The following NIPAL4 variants were observed in gnomAD, a reference collection of about 807,000 sequenced individuals.
NIPAL4 encodes magnesium transporter NIPA4.
In NIPAL4, 21 loss-of-function variants were observed where a neutral mutation model predicts 31.6. That is an observed-to-expected ratio of 0.67 (90% CI 0.47 to 0.96). NIPAL4 has a LOEUF of 0.96. NIPAL4 is among the 40% of genes least tolerant of loss of function. NIPAL4 has a pLI of 0.00. For missense variants in NIPAL4, 438 were observed against 508.0 expected (o/e 0.86, Z 1.32); for synonymous variants, 175 against 211.1 (o/e 0.83, Z 1.48).
chr5:157,471,841 C>A (rs1253906063), intron 5 of NIPAL4, 24 bp downstream of exon 5: 1 of 1,555,884 alleles, frequency 6.4e-7, no homozygotes, highest in Non-Finnish European at 8.7e-7. Context: ...CCCTGAAGAG[C>A]AGGAAAATAC....
intron 1 of NIPAL4, among the ~76,000 whole-genome samples, chr5:157,462,431 T>C (rs1039599687): frequency 2.0e-5 from 3 of 152,170 alleles, no homozygotes; most frequent in Non-Finnish European, 2.9e-5. Flanking sequence ...GGCAGGAGGA[T>C]AGCTTGAGGC....
At position 157,460,737 on chromosome 5, in the gene NIPAL4, G is replaced by A. The variant is rs573507514; in HGVS notation, c.37+380G>A. Among the ~76,000 whole-genome samples, 12 of 152,122 alleles carry A rather than the reference G, an allele frequency of 7.9e-5. No homozygotes were observed. The South Asian group carries it at 1.9e-3, about 24-fold the overall frequency. On this transcript the variant is annotated intron_variant, in intron 1 of 5. Coordinates refer to ENST00000311946, the MANE Select transcript of NIPAL4 (RefSeq NM_001099287.2). ...CTGCGCAGTTTGGGCTTTCTCTCTG[G>A]GTCAATGGGAGGACCATCACAGGAC...
rs149290344 is a variant in NIPAL4, at chr5:157,473,701, A to G, written c.*741A>G. On this transcript the variant is annotated 3_prime_UTR_variant, in exon 6 of 6. Coordinates refer to ENST00000311946, the MANE Select transcript of NIPAL4 (RefSeq NM_001099287.2). ...ACATCCTAAGGAGTCGGTCACTGAGACATAAAGGCAGTAATCGCAGAACTG... is the reference window on the plus strand; with the variant it reads ...ACATCCTAAGGAGTCGGTCACTGAGGCATAAAGGCAGTAATCGCAGAACTG... The G allele has an allele frequency of 2.0e-5, 3 of 152,346 alleles. No individual in the cohort carries two copies. The highest frequency in any genetic ancestry group is 7.2e-5 in the African/African-American group (3 of 41,554). The allele number at this position is 152,346 out of a possible 1,614,324, so 9.4% of individuals were successfully genotyped here.
chr5:157,473,045 CA>C lies in NIPAL4; in HGVS notation c.*87del. 8.8e-7 allele frequency: 1 copy of C among 1,136,194 alleles called. No individual in the cohort carries two copies. Among genetic ancestry groups the C allele is most frequent in the Non-Finnish European group, 1.2e-6 (1 of 821,210 alleles). 70.4% of individuals were successfully genotyped at this position (1,136,194 alleles called of 1,614,324 possible). A position where few individuals can be genotyped will look rare whatever the true frequency, so the allele number is the denominator to read the frequency against. On this transcript the variant is annotated 3_prime_UTR_variant, in exon 6 of 6. Coordinates refer to ENST00000311946, the MANE Select transcript of NIPAL4 (RefSeq NM_001099287.2). Reference sequence around the variant, plus strand: ...AAAACCACCTGGTTATTTTCCAGTGCAACTGTTACCAATGGGCTCTCTTTTC... The same window carrying C: ...AAAACCACCTGGTTATTTTCCAGTGCACTGTTACCAATGGGCTCTCTTTTC...
intron 3 of NIPAL4, 193 bp downstream of exon 3, chr5:157,467,298 C>T (rs748163647): frequency 7.3e-5 from 42 of 578,248 alleles, no homozygotes; most frequent in African/African-American, 1.9e-4. Flanking sequence ...ATCCATGAAG[C>T]GTCTACTCCC....
Position 157,472,601 on chromosome 5 carries a change from C to G in NIPAL4, c.856C>G (p.Leu286Val). 6.2e-7 allele frequency: 1 copy of G among 1,613,962 alleles called. No individual in the cohort carries two copies. Among genetic ancestry groups the G allele is most frequent in the Non-Finnish European group, 8.5e-7 (1 of 1,179,880 alleles). The part of the protein sequence containing the change: ...STQVNFLNRA[L>V]DIFNTSLVFP... ...TCAGGTCAACTTCCTCAACAGAGCACTGGACATTTTCAACACTTCCCTGGT... is the reference window on the plus strand; with the variant it reads ...TCAGGTCAACTTCCTCAACAGAGCAGTGGACATTTTCAACACTTCCCTGGT... Residue 286 changes from leucine (L) to valine (V), a missense_variant, in exon 6 of 6, where the codon CTG becomes GTG. Leu to Val is a conservative substitution (Grantham distance 32, BLOSUM62 1). Coordinates refer to ENST00000311946, the MANE Select transcript of NIPAL4 (RefSeq NM_001099287.2).
chr5:157,472,211 C>T (rs914220833), intron 5 of NIPAL4, 121 bp from the exon 6 acceptor site: 28 of 930,522 alleles, frequency 3.0e-5, no homozygotes, highest in Middle Eastern at 3.4e-4. Flanking sequence ...GACTGGAACC[C>T]GGGTTTGTCT....
intron 2 of NIPAL4, among the ~76,000 whole-genome samples, chr5:157,466,416 A>G (rs1311041843): frequency 6.6e-6 from 1 of 152,172 alleles, no homozygotes; most frequent in Non-Finnish European, 1.5e-5. Flanking sequence ...TAAGTTGCGG[A>G]GTGACATAAT....
intron 3 of NIPAL4, chr5:157,467,947 C>G (rs1367368239): frequency 6.6e-6 from 1 of 152,142 alleles, no homozygotes; most frequent in African/African-American, 2.4e-5. Flanking sequence ...TCTTGTTGCC[C>G]AGGCTGGAGT....
At position 157,471,651 on chromosome 5, in the gene NIPAL4, G is replaced by T. The variant is rs535535655; in HGVS notation, c.426-6G>T. The T allele has an allele frequency of 6.3e-7, 1 of 1,599,192 alleles. No homozygotes were observed. Among genetic ancestry groups the T allele is most frequent in the Middle Eastern group, 1.9e-4 (1 of 5,280 alleles). On this transcript the variant is annotated splice_polypyrimidine_tract_variant and splice_region_variant and intron_variant, in intron 4 of 5. Transcript: ENST00000311946. ...TCTAATCCCCTTCTCCCATTTCCAC[G>T]TGCAGTGCCATCCTCTCCTCATATT...
chr5:157,463,847 G>A (rs112023831), intron 2 of NIPAL4, among the ~76,000 whole-genome samples: 1,785 of 152,220 alleles, frequency 0.012, 39 homozygotes, highest in African/African-American at 0.041. Context: ...ATGTTTTTCC[G>A]TGAAACAGTG....
At chr5:157,468,574 C>T (rs1470571032) in intron 3 of NIPAL4, 148 bp from the exon 4 acceptor site, 2 of 616,090 alleles carry the variant, frequency 3.2e-6, no homozygotes, top group African/African-American at 1.8e-5. Context: ...GACCTTCGAT[C>T]AGACTCTCCA....
At chr5:157,471,584 C>T in intron 4 of NIPAL4, 73 bp from the exon 5 acceptor site, 1 of 1,213,520 alleles carries the variant, frequency 8.2e-7, no homozygotes, top group Non-Finnish European at 1.2e-6. Context: ...AGTGCTTGCT[C>T]AGGCCCCATT....
chr5:157,466,681 A>C (rs1371689320), intron 2 of NIPAL4, among the ~76,000 whole-genome samples: 2 of 152,174 alleles, frequency 1.3e-5, no homozygotes, highest in East Asian at 3.8e-4. Context: ...TTTCTGGCTT[A>C]AGCAACTGGA....
At chr5:157,471,335 C>T (rs1581271588) in intron 4 of NIPAL4, among the ~76,000 whole-genome samples, 1 of 152,126 alleles carries the variant, frequency 6.6e-6, no homozygotes, top group East Asian at 1.9e-4. Context: ...CTAAGCCCTC[C>T]ATATGTGACA....
intron 2 of NIPAL4, among the ~76,000 whole-genome samples, chr5:157,465,835 A>T (rs1039407035): frequency 6.6e-6 from 1 of 151,820 alleles, no homozygotes; most frequent in Non-Finnish European, 1.5e-5. Context: ...TGTACAGAAA[A>T]TTTTTTTCAA....
intron 2 of NIPAL4, among the ~76,000 whole-genome samples, chr5:157,465,032 T>C (rs184625904): frequency 6.6e-6 from 1 of 152,168 alleles, no homozygotes; most frequent in African/African-American, 2.4e-5. Context: ...GAGGTACTAG[T>C]GCACAGACTA....
At chr5:157,469,373 G>C (rs1424900290) in intron 4 of NIPAL4, among the ~76,000 whole-genome samples, 1 of 152,104 alleles carries the variant, frequency 6.6e-6, no homozygotes, top group Non-Finnish European at 1.5e-5. Flanking sequence ...ACATAGTAGG[G>C]GCTTAGTATG....
intron 3 of NIPAL4, chr5:157,467,489 A>C: frequency 4.4e-6 from 1 of 226,854 alleles, no homozygotes; most frequent in Non-Finnish European, 9.1e-6. Context: ...CCCACTTAGA[A>C]CATAGCTGGT....
Sources: allele counts gnomAD v4.1 joint callset (sites outside exome capture counted in the v4.1 genomes callset), GRCh38; gene constraint gnomAD v4.1.1; transcripts MANE v1.5; gene names NCBI Gene and HGNC (gene_info 2026-07-23, HGNC 2026-07-21).